Variants in GSE1 observed in about 807,000 individuals in gnomAD.
The protein encoded by GSE1 is Gse1 coiled-coil protein, also known as genetic suppressor element 1.
Under a neutral mutation model 112.6 loss-of-function variants are expected in GSE1, and 32 were observed. The ratio of observed to expected loss-of-function variants is 0.28; its 90% confidence interval spans 0.21 to 0.38. The LOEUF (loss-of-function observed/expected upper bound fraction) is 0.38, where lower values mean the gene tolerates loss of function less well. GSE1 is among the 10% of genes least tolerant of loss of function. GSE1 has a pLI of 1.00. For missense variants in GSE1, 2,348 were observed against 1,699.2 expected (o/e 1.38, Z -6.71); for synonymous variants, 1,115 against 735.6 (o/e 1.52, Z -8.35).
At chr16:85,357,494 C>A in exon 2 of GSE1, 1 of 1,252,852 alleles carries the variant, frequency 8.0e-7, no homozygotes, top group Non-Finnish European at 1.0e-6. Context: ...GCATCTGCAG[C>A]CAGCCACCCT....
Position 85,661,782 on chromosome 16 carries a change from G to A in GSE1, c.2260+17G>A. The A allele has an allele frequency of 6.7e-7, 1 of 1,485,868 alleles. No homozygotes were observed. Among genetic ancestry groups the A allele is most frequent in the Non-Finnish European group, 9.0e-7 (1 of 1,113,432 alleles). 92.0% of individuals were successfully genotyped at this position (1,485,868 alleles called of 1,614,324 possible). ...AGGAGAAAGGTCTGCCTCCCCGCGG[G>A]CCCCGAGCTGCTCAGGGAGAGCCGC... On this transcript the variant is annotated intron_variant, in intron 9 of 15. Coordinates refer to ENST00000253458, the MANE Select transcript of GSE1 (RefSeq NM_014615.5).
chr16:85,639,987 G>A (rs946734247), intron 2 of GSE1, among the ~76,000 whole-genome samples: 12 of 152,320 alleles, frequency 7.9e-5, no homozygotes, highest in South Asian at 2.1e-4. Context: ...GGGGGCGATC[G>A]TGCTGCGGGC....
chr16:85,516,648 C>T (rs1308109714), intron 2 of GSE1, among the ~76,000 whole-genome samples: 3 of 148,694 alleles, frequency 2.0e-5, no homozygotes, highest in Non-Finnish European at 4.5e-5. Context: ...TCAGCTGTAA[C>T]ATTAGAGGGC....
chr16:85,426,530 G>GTGGATGGC (rs1470893631), intron 2 of GSE1, among the ~76,000 whole-genome samples: 7 of 149,888 alleles, frequency 4.7e-5, no homozygotes, highest in African/African-American at 1.7e-4. Context: ...GGAAGGGTGG[G>GTGGATGGC]TGGATGGATG....
intron 2 of GSE1, among the ~76,000 whole-genome samples, chr16:85,452,110 C>T (rs141888041): frequency 1.3e-5 from 2 of 152,154 alleles, no homozygotes; most frequent in African/African-American, 4.8e-5. Context: ...GACCCGTGTC[C>T]GGCGCGAATA....
intron 2 of GSE1, among the ~76,000 whole-genome samples, chr16:85,501,905 G>C (rs1372326377): frequency 6.6e-6 from 1 of 152,222 alleles, no homozygotes; most frequent in Non-Finnish European, 1.5e-5. Flanking sequence ...TTTTATTTCT[G>C]AATTTCCCTC....
chr16:85,357,731 G>A (rs1597476263), intron 2 of GSE1: 1 of 856,800 alleles, frequency 1.2e-6, no homozygotes, highest in East Asian at 6.4e-5. Flanking sequence ...GCCGAGTTCA[G>A]ATACAGTTCC....
intron 1 of GSE1, among the ~76,000 whole-genome samples, chr16:85,272,739 T>TTGCTTGC (rs1567654130): frequency 4.6e-5 from 5 of 108,798 alleles, no homozygotes; most frequent in South Asian, 2.7e-4. Context: ...TTCTTGCTTG[T>TTGCTTGC]TTGCTTGCTT....
intron 1 of GSE1, among the ~76,000 whole-genome samples, chr16:85,187,721 G>A (rs774289414): frequency 3.3e-5 from 5 of 152,284 alleles, no homozygotes; most frequent in African/African-American, 1.2e-4. Context: ...TGGGCCTTGG[G>A]CTCCTCACCC....
chr16:85,242,900 T>C (rs1905273379), intron 1 of GSE1, among the ~76,000 whole-genome samples: 1 of 152,112 alleles, frequency 6.6e-6, no homozygotes, highest in Non-Finnish European at 1.5e-5. Context: ...CAGCCTTGAC[T>C]TCTCGGGCTC....
chr16:85,449,378 C>T (rs1434622719), intron 2 of GSE1, among the ~76,000 whole-genome samples: 1 of 152,154 alleles, frequency 6.6e-6, no homozygotes. Context: ...CAGGGCCTCC[C>T]TGGGATGGCA....
chr16:85,561,745 G>A (rs2045530806), intron 1 of GSE1, among the ~76,000 whole-genome samples: 1 of 152,212 alleles, frequency 6.6e-6, no homozygotes, highest in Non-Finnish European at 1.5e-5. Flanking sequence ...CCCCTTTCTT[G>A]ACCATCCTGG....
At chr16:85,612,206 C>T (rs1008510794), upstream of GSE1, among the ~76,000 whole-genome samples, 1 of 150,078 alleles carries the variant, frequency 6.7e-6, no homozygotes, top group Non-Finnish European at 1.5e-5. Context: ...CCTTTAACCC[C>T]GAGCTTCCTG....
intron 2 of GSE1, among the ~76,000 whole-genome samples, chr16:85,424,712 C>T (rs199744741): frequency 6.6e-6 from 1 of 152,240 alleles, no homozygotes; most frequent in Admixed American, 6.5e-5. Context: ...CTGCGCCCAG[C>T]ACTGACAGGC....
intron 1 of GSE1, among the ~76,000 whole-genome samples, chr16:85,333,468 C>T (rs1452689058): frequency 1.3e-5 from 2 of 152,230 alleles, no homozygotes; most frequent in Admixed American, 1.3e-4. Context: ...GCGGCTGCAG[C>T]CCGGCCTCGG....
At chr16:85,313,532 C>T (rs114674257) in intron 1 of GSE1, among the ~76,000 whole-genome samples, 7,326 of 152,246 alleles carry the variant, frequency 0.048, 604 homozygotes, top group African/African-American at 0.17. Context: ...CCCCCACCCC[C>T]CTGATCCCCT....
chr16:85,557,580 T>C (rs560654698), intron 1 of GSE1, among the ~76,000 whole-genome samples: 6 of 151,618 alleles, frequency 4.0e-5, no homozygotes, highest in Non-Finnish European at 8.8e-5. Flanking sequence ...TTTTTTTTTT[T>C]CCTCTGTTCA....
chr16:85,343,558 G>A (rs191261308), intron 1 of GSE1, among the ~76,000 whole-genome samples: 2 of 152,198 alleles, frequency 1.3e-5, no homozygotes, highest in East Asian at 3.9e-4. Flanking sequence ...AGATGAGCTT[G>A]GACAACATAG....
intron 1 of GSE1, among the ~76,000 whole-genome samples, chr16:85,220,793 C>G (rs1224083496): frequency 1.3e-5 from 2 of 152,148 alleles, no homozygotes; most frequent in African/African-American, 4.8e-5. Context: ...TTTTGTCTCT[C>G]CATCTCTCTC....
Sources: gnomAD v4.1 joint callset for allele counts (sites outside exome capture counted in the v4.1 genomes callset) on GRCh38, gnomAD v4.1.1 for gene constraint, MANE v1.5 for transcripts, NCBI Gene and HGNC (gene_info 2026-07-23, HGNC 2026-07-21) for gene names.